The following TSHR variants were observed in gnomAD, a reference collection of about 807,000 sequenced individuals.
TSHR encodes the protein thyrotropin receptor.
In TSHR, 51 loss-of-function variants were observed where a neutral mutation model predicts 64.1. That is an observed-to-expected ratio of 0.80 (90% CI 0.64 to 1.01). The LOEUF is 1.01. Among genes scored for constraint, TSHR ranks in the 50% least tolerant of loss-of-function variants. TSHR has a pLI of 0.00. For synonymous variants in TSHR, 361 were observed against 361.9 expected (o/e 1.00, Z 0.03); for missense variants, 877 against 942.8 (o/e 0.93, Z 0.91).
At chr14:81,084,214 A>G (rs1888117352) in intron 3 of TSHR, among the ~76,000 whole-genome samples, 1 of 152,216 alleles carries the variant, frequency 6.6e-6, no homozygotes, top group Non-Finnish European at 1.5e-5. Flanking sequence ...TTTCCCCAAC[A>G]AAGAAAAAGA....
At chr14:81,054,694 T>A (rs971366776) in intron 1 of TSHR, among the ~76,000 whole-genome samples, 2 of 152,114 alleles carry the variant, frequency 1.3e-5, no homozygotes, top group Non-Finnish European at 2.9e-5. Flanking sequence ...GCCCTGGAGA[T>A]TTGTGGAACT....
chr14:81,109,480 A>G (rs895767060), intron 8 of TSHR, among the ~76,000 whole-genome samples: 2 of 152,210 alleles, frequency 1.3e-5, no homozygotes, highest in South Asian at 2.1e-4. Context: ...GAGATACACA[A>G]GATAATCTGT....
At chr14:81,062,897 T>C (rs920732426) in intron 2 of TSHR, among the ~76,000 whole-genome samples, 1 of 152,100 alleles carries the variant, frequency 6.6e-6, no homozygotes, top group Admixed American at 6.6e-5. Context: ...ATGTACTCAC[T>C]CCGTGGCCAT....
At chr14:81,022,746 G>A (rs1182671255) in intron 1 of TSHR, among the ~76,000 whole-genome samples, 8 of 151,964 alleles carry the variant, frequency 5.3e-5, no homozygotes, top group South Asian at 2.1e-4. Flanking sequence ...GCTTGAACCC[G>A]GGAGGCAGAG....
At chr14:80,979,416 TAC>T in intron 1 of TSHR, among the ~76,000 whole-genome samples, 1 of 152,150 alleles carries the variant, frequency 6.6e-6, no homozygotes, top group African/African-American at 2.4e-5. Context: ...GGTATAAAGT[TAC>T]AGTTAGGTAG....
intron 1 of TSHR, among the ~76,000 whole-genome samples, chr14:81,004,274 G>A (rs1889483570): frequency 6.6e-6 from 1 of 152,156 alleles, no homozygotes; most frequent in Non-Finnish European, 1.5e-5. Flanking sequence ...GGCAGGGATT[G>A]TAATCTGCCA....
intron 2 of TSHR, among the ~76,000 whole-genome samples, chr14:81,066,521 G>A (rs1214308186): frequency 1.3e-5 from 2 of 152,122 alleles, no homozygotes; most frequent in African/African-American, 2.4e-5. Context: ...AAAATAGAAA[G>A]CACAGAGCCA....
At chr14:81,024,239 T>C (rs907471489) in intron 1 of TSHR, among the ~76,000 whole-genome samples, 2 of 119,672 alleles carry the variant, frequency 1.7e-5, no homozygotes, top group African/African-American at 6.3e-5. Flanking sequence ...TTAGGCATGG[T>C]TTTTTTTTGT....
chr14:81,049,607 A>G (rs1885333536), intron 1 of TSHR: 1 of 152,204 alleles, frequency 6.6e-6, no homozygotes, highest in Non-Finnish European at 1.5e-5. Context: ...TTTTATTTAC[A>G]TACCAAGTAA....
At chr14:81,132,055 T>C (rs1264291822) in intron 8 of TSHR, among the ~76,000 whole-genome samples, 2 of 152,216 alleles carry the variant, frequency 1.3e-5, no homozygotes, top group Non-Finnish European at 2.9e-5. Flanking sequence ...CTCACTGTCT[T>C]GAATTTATAC....
intron 1 of TSHR, among the ~76,000 whole-genome samples, chr14:81,034,833 A>G (rs1431785584): frequency 6.6e-6 from 1 of 152,220 alleles, no homozygotes; most frequent in African/African-American, 2.4e-5. Context: ...TGCAATTTCT[A>G]TTTCATTCCT....
At chr14:81,096,245 T>C (rs1489553403) in intron 6 of TSHR, among the ~76,000 whole-genome samples, 2 of 152,182 alleles carry the variant, frequency 1.3e-5, no homozygotes, top group African/African-American at 4.8e-5. Context: ...TTCAGATGAA[T>C]GTCTTTCAAA....
intron 1 of TSHR, among the ~76,000 whole-genome samples, chr14:81,029,497 C>T (rs1296079287): frequency 6.6e-6 from 1 of 151,918 alleles, no homozygotes; most frequent in Admixed American, 6.6e-5. Context: ...ATATCTGCAC[C>T]CCCAGCAGTT....
chr14:81,026,262 C>T (rs2268467), intron 1 of TSHR, among the ~76,000 whole-genome samples: 126,467 of 152,160 alleles, frequency 0.83, 53,090 homozygotes, highest in African/African-American at 0.94. Context: ...TGGCACAAAG[C>T]AGGTGCACAA....
intron 1 of TSHR, among the ~76,000 whole-genome samples, chr14:81,035,665 T>C (rs146671652): frequency 2.9e-4 from 44 of 152,330 alleles, no homozygotes; most frequent in African/African-American, 9.9e-4. Flanking sequence ...ATCATTTCCA[T>C]AATTGGCTGT....
chr14:81,108,626 G>C (rs1443484736), intron 8 of TSHR, 174 bp downstream of exon 8: 2 of 1,613,962 alleles, frequency 1.2e-6, no homozygotes, highest in African/African-American at 2.7e-5. Context: ...CCTCTTGGAA[G>C]AAAGTCCTTG....
intron 1 of TSHR, among the ~76,000 whole-genome samples, chr14:81,011,323 A>C (rs1889893746): frequency 6.6e-6 from 1 of 152,090 alleles, no homozygotes; most frequent in Non-Finnish European, 1.5e-5. Context: ...GGGACAGGGA[A>C]AATAGATAGA....
At chr14:81,001,867 C>T (rs866339897) in intron 1 of TSHR, 4 of 224,572 alleles carry the variant, frequency 1.8e-5, no homozygotes, top group Non-Finnish European at 3.6e-5. Flanking sequence ...CTTTTGCCTG[C>T]CTTCTCTTTT....
At chr14:81,097,622 G>T (rs946051389) in intron 7 of TSHR, among the ~76,000 whole-genome samples, 3 of 152,198 alleles carry the variant, frequency 2.0e-5, no homozygotes, top group Non-Finnish European at 4.4e-5. Context: ...CTAACCCTAT[G>T]CAGTGGCTCT....
Sources: gnomAD v4.1 joint callset for allele counts (sites outside exome capture counted in the v4.1 genomes callset) on GRCh38, gnomAD v4.1.1 for gene constraint, MANE v1.5 for transcripts, NCBI Gene and HGNC (gene_info 2026-07-23, HGNC 2026-07-21) for gene names.